The following CLEC20A variants were observed in gnomAD, a reference collection of about 807,000 sequenced individuals.
CLEC20A encodes the protein C-type lectin domain containing 20A.
intron 2 of CLEC20A, among the ~76,000 whole-genome samples, chr1:178,494,247 G>GTTTGT (rs1189140912): frequency 6.6e-6 from 1 of 152,080 alleles, no homozygotes; most frequent in African/African-American, 2.4e-5. Flanking sequence ...TTGGTTTTTT[G>GTTTGT]TTTGTTTTGT....
rs756026669 is a variant in CLEC20A, at chr1:178,496,061, C to T, written c.40+839G>A. ...AGGAGAACAAGCTCCTCACACCCACCGTAGGGGAGGATGCTTCCTGTCACT... is the reference window on the plus strand; with the variant it reads ...AGGAGAACAAGCTCCTCACACCCACTGTAGGGGAGGATGCTTCCTGTCACT... On this transcript the variant is annotated intron_variant, in intron 1 of 7. Transcript: ENST00000623247. 5.2e-5 allele frequency: 8 copies of T among 152,400 alleles called. 1 individual carries two copies. The highest frequency in any genetic ancestry group is 4.1e-4 in the South Asian group (2 of 4,826). The allele number at this position is 152,400 out of a possible 1,614,324, so 9.4% of individuals were successfully genotyped here.
At chr1:178,497,454 G>A (rs917031736), upstream of CLEC20A, among the ~76,000 whole-genome samples, 1 of 152,216 alleles carries the variant, frequency 6.6e-6, no homozygotes, top group Non-Finnish European at 1.5e-5. Flanking sequence ...ATTCCAGAGA[G>A]GGCCCTGCTC....
chr1:178,487,038 G>A, intron 5 of CLEC20A: 1 of 390,156 alleles, frequency 2.6e-6, no homozygotes, highest in Non-Finnish European at 4.5e-6. Context: ...AGGCGCCCAC[G>A]GGGCCGGTGC....
chr1:178,491,719 G>A (rs1378143903), intron 3 of CLEC20A, among the ~76,000 whole-genome samples: 1 of 152,208 alleles, frequency 6.6e-6, no homozygotes, highest in Admixed American at 6.5e-5. Flanking sequence ...CAGATTGAGT[G>A]AGTATATTGC....
At chr1:178,480,929 T>C (rs1157173441) in intron 7 of CLEC20A, 6 of 152,062 alleles carry the variant, frequency 3.9e-5, no homozygotes, top group Non-Finnish European at 8.8e-5. Context: ...AATTCCTTTG[T>C]CTCTCCCCAC....
chr1:178,490,493 C>T (rs2101872308), intron 3 of CLEC20A, 56 bp from the exon 4 acceptor site: 1 of 398,284 alleles, frequency 2.5e-6, no homozygotes, highest in Admixed American at 4.4e-5. Context: ...TCTGACAGCC[C>T]AGCCTTCATC....
upstream of CLEC20A, chr1:178,499,598 G>A (rs1649488895): frequency 6.6e-6 from 1 of 152,236 alleles, no homozygotes; most frequent in South Asian, 2.1e-4. Context: ...TCAGCTTTGG[G>A]ATTTGGACTG....
intron 1 of CLEC20A, chr1:178,496,609 C>G: frequency 2.7e-6 from 1 of 366,416 alleles, no homozygotes; most frequent in Non-Finnish European, 4.9e-6. Context: ...GTGACCTGCG[C>G]GGCCGTCTCT....
At chr1:178,480,707 A>G (rs6692778) in intron 7 of CLEC20A, 38,601 of 151,992 alleles carry the variant, frequency 0.25, 7,976 homozygotes, top group African/African-American at 0.57. Context: ...GGGTGAACTC[A>G]GGAGGTGGAG....
chr1:178,498,004 G>A (rs1649440886), upstream of CLEC20A, among the ~76,000 whole-genome samples: 1 of 152,090 alleles, frequency 6.6e-6, no homozygotes, highest in Non-Finnish European at 1.5e-5. Flanking sequence ...GACCAGGCAG[G>A]CTTTGCTAGA....
intron 3 of CLEC20A, among the ~76,000 whole-genome samples, chr1:178,491,786 T>C (rs1488013978): frequency 6.6e-6 from 1 of 152,162 alleles, no homozygotes; most frequent in East Asian, 1.9e-4. Context: ...AAGACACCAA[T>C]GCAGTAATAC....
intron 3 of CLEC20A, among the ~76,000 whole-genome samples, chr1:178,491,640 G>A (rs2101873803): frequency 6.6e-6 from 1 of 152,234 alleles, no homozygotes; most frequent in Non-Finnish European, 1.5e-5. Context: ...ATTCGAACAT[G>A]GGAAGCCCAC....
chr1:178,486,505 G>A, intron 5 of CLEC20A: 1 of 398,844 alleles, frequency 2.5e-6, no homozygotes, highest in Admixed American at 4.4e-5. Flanking sequence ...AGAGTCAGGG[G>A]GTGCAGTTGT....
chr1:178,485,723 T>C (rs1649117023), intron 5 of CLEC20A, among the ~76,000 whole-genome samples: 1 of 152,206 alleles, frequency 6.6e-6, no homozygotes, highest in African/African-American at 2.4e-5. Flanking sequence ...TCAAAACAAG[T>C]ACTCAGGAAA....
At chr1:178,492,756 G>A (rs753847799) in intron 2 of CLEC20A, among the ~76,000 whole-genome samples, 190 bp from the exon 3 acceptor site, 25 of 152,164 alleles carry the variant, frequency 1.6e-4, no homozygotes, top group Non-Finnish European at 3.2e-4. Context: ...TACACCCTGG[G>A]AAAAAATGGC....
At chr1:178,482,150 T>C (rs1482764551) in intron 7 of CLEC20A, 162 bp downstream of exon 7, 3 of 395,044 alleles carry the variant, frequency 7.6e-6, no homozygotes, top group Non-Finnish European at 8.9e-6. Flanking sequence ...CAAAAAGATC[T>C]TGCCACATAA....
At chr1:178,482,436 C>A in intron 6 of CLEC20A, 39 bp from the exon 7 acceptor site, 1 of 398,456 alleles carries the variant, frequency 2.5e-6, no homozygotes, top group Non-Finnish European at 4.4e-6. Flanking sequence ...GGGATATTAT[C>A]CTATTTCCAT....
At chr1:178,495,389 C>T (rs535801929) in intron 1 of CLEC20A, among the ~76,000 whole-genome samples, 1 of 152,228 alleles carries the variant, frequency 6.6e-6, no homozygotes, top group Admixed American at 6.5e-5. Flanking sequence ...GGGCACTGCC[C>T]CTCCATCTGG....
intron 2 of CLEC20A, among the ~76,000 whole-genome samples, chr1:178,493,980 A>G (rs1649329896): frequency 1.3e-5 from 2 of 152,192 alleles, no homozygotes; most frequent in South Asian, 4.1e-4. Context: ...GGTGCAGAGG[A>G]GATAGAAATA....
Sources: allele counts gnomAD v4.1 joint callset (sites outside exome capture counted in the v4.1 genomes callset), GRCh38; gene constraint gnomAD v4.1.1; transcripts MANE v1.5; gene names NCBI Gene and HGNC (gene_info 2026-07-23, HGNC 2026-07-21).